Variants in FBXL17 observed in about 807,000 individuals in gnomAD.
FBXL17 encodes the protein F-box/LRR-repeat protein 17.
In FBXL17, 22 loss-of-function variants were observed where a neutral mutation model predicts 66.2. That is an observed-to-expected ratio of 0.33 (90% CI 0.24 to 0.47). The LOEUF is 0.47. Ranked by LOEUF, FBXL17 falls within the 20% of genes least tolerant of loss-of-function variation. The pLI is 1.00. For missense variants in FBXL17, 878 were observed against 948.2 expected (o/e 0.93, Z 0.97); for synonymous variants, 474 against 400.5 (o/e 1.18, Z -2.19).
chr5:107,944,053 G>T (rs1307580635), intron 7 of FBXL17, among the ~76,000 whole-genome samples: 1 of 152,106 alleles, frequency 6.6e-6, no homozygotes, highest in Non-Finnish European at 1.5e-5. Context: ...CCATGCCCTT[G>T]ATGTGAATAA....
rs532849674 is a variant in FBXL17, at chr5:108,043,862, A to T, written c.1746-22861T>A. On this transcript the variant is annotated intron_variant, in intron 6 of 8. Transcript: ENST00000542267. ...ATCAGCAAAGTACATCTTTCCATTT[A>T]TTTAGCTCTTTGATTTTCAAGGCTT... Among the ~76,000 whole-genome samples the T allele has an allele frequency of 2.9e-3, 446 of 152,186 alleles. 3 individuals are homozygous for T. Among genetic ancestry groups the T allele is most frequent in the African/African-American group, 0.01 (418 of 41,548 alleles).
At chr5:108,106,223 G>A (rs1749790911) in intron 6 of FBXL17, among the ~76,000 whole-genome samples, 1 of 152,166 alleles carries the variant, frequency 6.6e-6, no homozygotes, top group African/African-American at 2.4e-5. Flanking sequence ...TCCTCTAAAT[G>A]TGAACATTAA....
chr5:108,304,445 G>A (rs746329348), intron 4 of FBXL17, among the ~76,000 whole-genome samples: 1 of 151,632 alleles, frequency 6.6e-6, no homozygotes, highest in Non-Finnish European at 1.5e-5. Flanking sequence ...CAAAATTCCT[G>A]AATAAACTTG....
chr5:107,974,209 A>G (rs750697647), intron 7 of FBXL17, among the ~76,000 whole-genome samples: 4 of 152,200 alleles, frequency 2.6e-5, no homozygotes, highest in African/African-American at 7.2e-5. Context: ...TTAAGTCAAT[A>G]TAAGAAGTTA....
At chr5:107,979,702 T>C (rs1338759629) in intron 7 of FBXL17, among the ~76,000 whole-genome samples, 3 of 152,210 alleles carry the variant, frequency 2.0e-5, no homozygotes, top group African/African-American at 7.2e-5. Context: ...GTAAGGACCA[T>C]TTCTATTACG....
chr5:108,175,336 T>C (rs886551974), intron 6 of FBXL17, among the ~76,000 whole-genome samples: 7 of 152,110 alleles, frequency 4.6e-5, no homozygotes, highest in Admixed American at 1.3e-4. Flanking sequence ...CAATAATATA[T>C]GCCACCAGCA....
chr5:108,193,503 C>T (rs1753554408), intron 5 of FBXL17, among the ~76,000 whole-genome samples: 1 of 152,022 alleles, frequency 6.6e-6, no homozygotes, highest in South Asian at 2.1e-4. Context: ...GACTTCCATC[C>T]TTGAGAAGGT....
chr5:108,089,720 A>G (rs558833022), intron 6 of FBXL17, among the ~76,000 whole-genome samples: 3 of 152,350 alleles, frequency 2.0e-5, no homozygotes, highest in Non-Finnish European at 4.4e-5. Context: ...GTTCACCATT[A>G]TAACTGAGGT....
At chr5:108,138,174 A>G (rs903189595) in intron 6 of FBXL17, among the ~76,000 whole-genome samples, 12 of 152,162 alleles carry the variant, frequency 7.9e-5, no homozygotes, top group African/African-American at 2.4e-4. Flanking sequence ...CTAATTGGAG[A>G]TATCTTACAA....
At chr5:108,133,957 T>A (rs1010831726) in intron 6 of FBXL17, among the ~76,000 whole-genome samples, 9 of 152,110 alleles carry the variant, frequency 5.9e-5, no homozygotes, top group Non-Finnish European at 1.3e-4. Flanking sequence ...AATATATATT[T>A]TTAAATAATT....
At chr5:108,131,535 T>C (rs557277028) in intron 6 of FBXL17, among the ~76,000 whole-genome samples, 3 of 152,110 alleles carry the variant, frequency 2.0e-5, no homozygotes, top group African/African-American at 4.8e-5. Context: ...AAACATTCCA[T>C]TGGGGCTTAA....
At chr5:108,323,667 G>A (rs947519062) in intron 4 of FBXL17, among the ~76,000 whole-genome samples, 5 of 151,964 alleles carry the variant, frequency 3.3e-5, no homozygotes, top group Non-Finnish European at 5.9e-5. Flanking sequence ...GAATCCACTG[G>A]GAGTCCCACA....
intron 5 of FBXL17, among the ~76,000 whole-genome samples, chr5:108,201,509 T>C (rs34527417): frequency 0.16 from 24,445 of 152,074 alleles, 2,119 homozygotes; most frequent in South Asian, 0.32. Context: ...CCTATAACTA[T>C]TAATGTTTTT....
intron 7 of FBXL17, among the ~76,000 whole-genome samples, chr5:107,960,415 C>T (rs774085948): frequency 6.6e-6 from 1 of 152,166 alleles, no homozygotes; most frequent in Admixed American, 6.5e-5. Flanking sequence ...CATATTCCTT[C>T]TCTCTAACTG....
intron 4 of FBXL17, among the ~76,000 whole-genome samples, chr5:108,271,791 G>A (rs940660484): frequency 3.3e-5 from 5 of 152,164 alleles, no homozygotes; most frequent in Admixed American, 3.3e-4. Context: ...GAACTAGGGA[G>A]GAAGCGTTAA....
chr5:108,147,144 G>T (rs1751592033), intron 6 of FBXL17, among the ~76,000 whole-genome samples: 1 of 152,154 alleles, frequency 6.6e-6, no homozygotes, highest in East Asian at 1.9e-4. Flanking sequence ...TATTACAGTG[G>T]TTATTCAACT....
intron 6 of FBXL17, among the ~76,000 whole-genome samples, chr5:108,146,911 T>C (rs537632255): frequency 2.0e-5 from 3 of 152,264 alleles, no homozygotes; most frequent in African/African-American, 4.8e-5. Flanking sequence ...TCAAAAGAAA[T>C]AGAAACTTAT....
intron 6 of FBXL17, among the ~76,000 whole-genome samples, chr5:108,130,218 T>A (rs1419990635): frequency 1.3e-5 from 2 of 151,820 alleles, no homozygotes; most frequent in Admixed American, 1.3e-4. Flanking sequence ...AAACTGAGAC[T>A]TGGATTAGGA....
chr5:108,245,488 G>A (rs1409414848), intron 4 of FBXL17, among the ~76,000 whole-genome samples: 9 of 152,002 alleles, frequency 5.9e-5, no homozygotes, highest in Non-Finnish European at 7.4e-5. Context: ...TCTAAAATTA[G>A]GTTATACATT....
Sources: allele counts gnomAD v4.1 joint callset (sites outside exome capture counted in the v4.1 genomes callset), GRCh38; gene constraint gnomAD v4.1.1; transcripts MANE v1.5; gene names NCBI Gene and HGNC (gene_info 2026-07-23, HGNC 2026-07-21).